The following CTU2 variants were observed in gnomAD, a reference collection of about 807,000 sequenced individuals.
CTU2 encodes cytoplasmic tRNA 2-thiolation protein 2.
In CTU2, 80 loss-of-function variants were observed where a neutral mutation model predicts 64.1. The ratio of observed to expected loss-of-function variants is 1.25; its 90% CI spans 1.04 to 1.50. CTU2 has a LOEUF of 1.50. CTU2 is among the 40% of genes most tolerant of loss of function. The pLI, the probability that CTU2 is intolerant of heterozygous loss-of-function variation, is 0.00. For synonymous variants in CTU2, 482 were observed against 285.3 expected (o/e 1.69, Z -6.95); for missense variants, 1,110 against 690.2 (o/e 1.61, Z -6.81).
intron 2 of CTU2, 198 bp from the exon 3 acceptor site, chr16:88,709,740 C>T (rs4377140): frequency 0.64 from 379,734 of 591,118 alleles, 122,856 homozygotes; most frequent in South Asian, 0.66. Context: ...GCCGGTGAGC[C>T]TCGTGTTCAC....
In CTU2 at chr16:88,712,704, A is replaced by G; in HGVS notation, c.536A>G (p.Asp179Gly). Residue 179 changes from aspartate (D) to glycine (G), a missense_variant, in exon 7 of 15, where the codon GAC becomes GGC. Physicochemically the swap from Asp to Gly is moderately conservative, Grantham distance 94. Coordinates refer to ENST00000453996, the MANE Select transcript of CTU2 (RefSeq NM_001012759.3). ...GSEGAYKAAV[D>G]SFLQQQHVLG... Reference sequence around the variant, plus strand: ...GAGGGGGCCTACAAGGCGGCCGTGGACAGCTTCCTCCAGCAGCAGCATGTG... The same window carrying G: ...GAGGGGGCCTACAAGGCGGCCGTGGGCAGCTTCCTCCAGCAGCAGCATGTG... 1 of 1,610,304 alleles carries G rather than the reference A, an allele frequency of 6.2e-7. No individual in the cohort carries two copies. The highest frequency in any genetic ancestry group is 8.5e-7 in the Non-Finnish European group (1 of 1,179,374).
In CTU2 at chr16:88,714,471, G is replaced by A. The variant is rs1327786510; in HGVS notation, c.1186G>A (p.Asp396Asn). Residue 396 changes from aspartate (D) to asparagine (N), a missense_variant, in exon 11 of 15, where the codon GAC (aspartate) becomes AAC (asparagine). Physicochemically the swap from Asp to Asn is conservative, Grantham distance 23. Transcript: ENST00000453996. ...PRCLLCMCAL[D>N]VDAADSATAF... ...CTGCCTCCTCTGCATGTGTGCCCTG[G>A]ACGTCGACGCCGCTGGTCTGTGTTT... 6.2e-7 allele frequency: 1 copy of A among 1,612,630 alleles called. No homozygotes were observed. Among genetic ancestry groups the A allele is most frequent in the Non-Finnish European group, 8.5e-7 (1 of 1,179,870 alleles).
intron 4 of CTU2, 28 bp from the exon 5 acceptor site, chr16:88,711,607 G>A (rs769007533): frequency 4.4e-6 from 7 of 1,577,904 alleles, no homozygotes; most frequent in East Asian, 2.3e-5. Context: ...ATGGCTGGGG[G>A]CTGAGTCCCT....
intron 11 of CTU2, 34 bp from the exon 12 acceptor site, chr16:88,714,553 G>C: frequency 6.2e-7 from 1 of 1,612,632 alleles, no homozygotes; most frequent in Admixed American, 1.7e-5. Flanking sequence ...GGGCTCAGCA[G>C]CCCCAGGCTC....
At chr16:88,707,303 A>T in intron 2 of CTU2, 93 bp downstream of exon 2, 1 of 1,188,880 alleles carries the variant, frequency 8.4e-7, no homozygotes. Flanking sequence ...ATTCTTTTTA[A>T]AAACATGTAC....
rs773177218 is a variant in CTU2 at position 88,712,905 on chromosome 16, G to T, written c.737G>T (p.Arg246Leu). 2 of 1,489,266 alleles carry T rather than the reference G, an allele frequency of 1.3e-6. No homozygotes were observed. Among genetic ancestry groups the T allele is most frequent in the Non-Finnish European group, 1.8e-6 (2 of 1,123,314 alleles). The allele number at this position is 1,489,266 out of a possible 1,614,324, so 92.3% of individuals were successfully genotyped here. ...TAKEELLQTL[R>L]THLILHMARA... Reference sequence around the variant, plus strand: ...AAGGAGGAGCTTCTGCAGACCCTGCGGTGAGGCCCCGAGAGCCCCCCTTCC... The same window carrying T: ...AAGGAGGAGCTTCTGCAGACCCTGCTGTGAGGCCCCGAGAGCCCCCCTTCC... The change falls in exon 7 of 15, where the codon CGG (arginine) becomes CTG (leucine). Residue 246 changes from arginine (R) to leucine (L), a missense_variant and splice_region_variant. Transcript: ENST00000453996.
rs569014529 is a variant in CTU2, at chr16:88,714,277, C to CGCGGGTGTGT, written c.1097+58_1097+67dup. 1.8e-3 allele frequency: 2,712 copies of CGCGGGTGTGT among 1,524,224 alleles called. 49 individuals are homozygous for CGCGGGTGTGT. The African/African-American group carries it at 0.032, about 18-fold the overall frequency. 94.4% of individuals were successfully genotyped at this position (1,524,224 alleles called of 1,614,324 possible). The stretch of plus-strand genomic sequence containing the variant: ...GGGGGGTGCGCGGGTGTGTGCTGTG[C>CGCGGGTGTGT]GCGGGTGTGTGCGGGTGGTGAGCTC... On this transcript the variant is annotated intron_variant, in intron 10 of 14. Transcript: ENST00000453996.
chr16:88,712,824 C>G lies in CTU2; in HGVS notation c.656C>G (p.Pro219Arg), dbSNP rs948779431. 3.1e-6 allele frequency: 5 copies of G among 1,595,308 alleles called. No homozygotes were observed. Among genetic ancestry groups the G allele is most frequent in the East Asian group, 2.2e-5 (1 of 44,808 alleles). ...CAGAACCTGGCAAGACCGCCTGCCCCTGCCCAGACTGAGGCTCTTTCCCAA... is the reference window on the plus strand; with the variant it reads ...CAGAACCTGGCAAGACCGCCTGCCCGTGCCCAGACTGAGGCTCTTTCCCAA... ...DPQNLARPPAPAQTEALSQLF... is the reference protein window; with the variant it reads ...DPQNLARPPARAQTEALSQLF... Residue 219 changes from proline (P) to arginine (R), a missense_variant, in exon 7 of 15, where the codon CCT becomes CGT. Coordinates refer to ENST00000453996, the MANE Select transcript of CTU2 (RefSeq NM_001012759.3).
rs746487117 is a variant in CTU2 at position 88,715,210 on chromosome 16, T to C, written c.1507T>C (p.Cys503Arg). The change falls in exon 15 of 15, where the codon TGT (cysteine) becomes CGT (arginine). Residue 503 changes from cysteine to arginine, a missense_variant. Physicochemically the swap from Cys to Arg is radical, Grantham distance 180 (BLOSUM62 -3). Transcript: ENST00000453996. Reference sequence around the variant, plus strand: ...CTGGGGCTTGCAGGAGATCCGGGACTGTCTGATTGAGGACAGTGACGACGA... The same window carrying C: ...CTGGGGCTTGCAGGAGATCCGGGACCGTCTGATTGAGGACAGTGACGACGA... Reference protein sequence around the residue: ...RAWGLQEIRDCLIEDSDDEAG... With the variant: ...RAWGLQEIRDRLIEDSDDEAG... The C allele has an allele frequency of 1.4e-5, 23 of 1,612,462 alleles. No homozygotes were observed. The highest frequency in any genetic ancestry group is 4.5e-5 in the East Asian group (2 of 44,878).
At chr16:88,711,874 G>C (rs3214052) in intron 5 of CTU2, among the ~76,000 whole-genome samples, 179 bp downstream of exon 5, 4,880 of 152,320 alleles carry the variant, frequency 0.032, 186 homozygotes, top group African/African-American at 0.078. Flanking sequence ...GGAGGCAGCA[G>C]ATGTATCCAT....
chr16:88,715,360 T>TAAAA lies in CTU2; in HGVS notation c.*110_*113dup, dbSNP rs1712117761. On this transcript the variant is annotated 3_prime_UTR_variant, in exon 15 of 15. Transcript: ENST00000453996. ...GCCTCTGATTGTCCATTTGTATAAATAAAACATTTTTTAATTAAAAAAAAA... is the reference window on the plus strand; with the variant it reads ...GCCTCTGATTGTCCATTTGTATAAATAAAAAAAACATTTTTTAATTAAAAAAAAA... 1.6e-6 allele frequency: 2 copies of TAAAA among 1,232,668 alleles called. No individual in the cohort carries two copies. The highest frequency in any genetic ancestry group is 5.1e-5 in the East Asian group (2 of 39,382). The allele number at this position is 1,232,668 out of a possible 1,614,324, so 76.4% of individuals were successfully genotyped here.
rs768820327 is a variant in CTU2 at position 88,712,625 on chromosome 16, T to A, written c.457T>A (p.Phe153Ile). Reference protein sequence around the residue: ...PWHVVALEEVFSLPPSVLWCS... With the variant: ...PWHVVALEEVISLPPSVLWCS... ...GGCGTCTCCCTCATCCCGGAAGGTG[T>A]TCAGCCTGCCACCGTCGGTGCTTTG... The change falls in exon 7 of 15, where the codon TTC (phenylalanine) becomes ATC (isoleucine). Residue 153 changes from phenylalanine (F) to isoleucine (I), a missense_variant. Transcript: ENST00000453996. The A allele has an allele frequency of 6.2e-7, 1 of 1,609,688 alleles. No homozygotes were observed. The highest frequency in any genetic ancestry group is 8.5e-7 in the Non-Finnish European group (1 of 1,179,236).
chr16:88,708,577 G>A lies in CTU2; in HGVS notation c.144-1361G>A, dbSNP rs565361633. Among the ~76,000 whole-genome samples the A allele has an allele frequency of 9.9e-5, 15 of 152,234 alleles. No individual in the cohort carries two copies. The East Asian group carries it at 2.9e-3, about 29-fold the overall frequency. ...GGGTCACTTCCCATGTCCCAGCCTT[G>A]ATACTTGCCAGTTACCTGCAGTCCC... On this transcript the variant is annotated intron_variant, in intron 2 of 14. Transcript: ENST00000453996.
chr16:88,706,625 G>C, intron 1 of CTU2, 27 bp downstream of exon 1: 1 of 1,378,948 alleles, frequency 7.3e-7, no homozygotes, highest in South Asian at 1.6e-5. Flanking sequence ...GGACCCGCCA[G>C]GCCGCCCCTC....
chr16:88,714,017 C>T (rs1257773501), intron 9 of CTU2, 119 bp from the exon 10 acceptor site: 5 of 1,136,282 alleles, frequency 4.4e-6, no homozygotes, highest in Non-Finnish European at 5.2e-6. Context: ...GCAGTCGCAG[C>T]AAAGCCAGAC....
Position 88,712,709 on chromosome 16 carries a change from T to C in CTU2, c.541T>C (p.Phe181Leu), listed in dbSNP as rs1911436559. Residue 181 changes from phenylalanine (F) to leucine (L), a missense_variant, in exon 7 of 15, where the codon TTC (phenylalanine) becomes CTC (leucine). Physicochemically the swap from Phe to Leu is conservative, Grantham distance 22. Coordinates refer to ENST00000453996, the MANE Select transcript of CTU2 (RefSeq NM_001012759.3). ...EGAYKAAVDS[F>L]LQQQHVLGAG... ...GGCCTACAAGGCGGCCGTGGACAGCTTCCTCCAGCAGCAGCATGTGCTGGG... is the reference window on the plus strand; with the variant it reads ...GGCCTACAAGGCGGCCGTGGACAGCCTCCTCCAGCAGCAGCATGTGCTGGG... 1 of 1,610,172 alleles carries C rather than the reference T, an allele frequency of 6.2e-7. No homozygotes were observed. Among genetic ancestry groups the C allele is most frequent in the Non-Finnish European group, 8.5e-7 (1 of 1,179,274 alleles).
At chr16:88,707,930 C>T (rs545169041) in intron 2 of CTU2, among the ~76,000 whole-genome samples, 35 of 152,282 alleles carry the variant, frequency 2.3e-4, no homozygotes, top group South Asian at 1.5e-3. Context: ...CCTGCCTCAG[C>T]CTCCTGAGTA....
rs372803977 is a variant in CTU2 at position 88,713,089 on chromosome 16, G to GC, written c.737+189dup. On this transcript the variant is annotated intron_variant, in intron 7 of 14. Coordinates refer to ENST00000453996, the MANE Select transcript of CTU2 (RefSeq NM_001012759.3). Reference sequence around the variant, plus strand: ...CCCTGACCCCCACTCATGCCCGAGAGCCCCCTTCCCCGGGCCCTGACCCCC... The same window carrying GC: ...CCCTGACCCCCACTCATGCCCGAGAGCCCCCCTTCCCCGGGCCCTGACCCCC... Among the ~76,000 whole-genome samples, 58 of 6,376 alleles carry GC rather than the reference G, an allele frequency of 9.1e-3. 4 individuals carry two copies. Among genetic ancestry groups the GC allele is most frequent in the South Asian group, 0.043 (7 of 162 alleles). 4.2% of individuals were successfully genotyped at this position (6,376 alleles called of 152,430 possible). A position where few individuals can be genotyped will look rare whatever the true frequency, so the allele number is the denominator to read the frequency against.
At chr16:88,710,440 T>C in intron 4 of CTU2, 158 bp downstream of exon 4, 1 of 669,524 alleles carries the variant, frequency 1.5e-6, no homozygotes, top group Non-Finnish European at 2.5e-6. Flanking sequence ...TCACAACAGG[T>C]GCACCAATCA....
Sources: gnomAD v4.1 joint callset for allele counts (sites outside exome capture counted in the v4.1 genomes callset) on GRCh38, gnomAD v4.1.1 for gene constraint, MANE v1.5 for transcripts, NCBI Gene and HGNC (gene_info 2026-07-23, HGNC 2026-07-21) for gene names.